The following CDC14A variants were observed in gnomAD, a reference collection of about 807,000 sequenced individuals.
CDC14A encodes cell division cycle 14A, also known as dual specificity protein phosphatase CDC14A.
In CDC14A, 53 loss-of-function variants were observed where a neutral mutation model predicts 74.4. The observed-to-expected ratio is 0.71, with a 90% CI of 0.57 to 0.89. CDC14A has a LOEUF of 0.89. Ranked by LOEUF, CDC14A falls within the 40% of genes least tolerant of loss-of-function variation. The probability of loss-of-function intolerance (pLI) is 0.00; values close to 1 mark genes in which losing one functional copy is unlikely to be tolerated. For missense variants in CDC14A, 646 were observed against 713.7 expected, an observed-to-expected ratio of 0.91 and a Z score of 1.08; for synonymous variants, 247 against 258.4, an observed-to-expected ratio of 0.96 and a Z score of 0.43.
intron 13 of CDC14A, among the ~76,000 whole-genome samples, chr1:100,497,617 G>C (rs756962633): frequency 6.6e-6 from 1 of 152,198 alleles, no homozygotes; most frequent in Non-Finnish European, 1.5e-5. Flanking sequence ...AGTTTGCAGG[G>C]TGAAAAGAAG....
At chr1:100,497,318 G>A (rs1412178061) in intron 13 of CDC14A, among the ~76,000 whole-genome samples, 1 of 152,190 alleles carries the variant, frequency 6.6e-6, no homozygotes, top group Non-Finnish European at 1.5e-5. Flanking sequence ...CTGGACAAAC[G>A]TGTGGACGCT....
rs768857891 is a variant in CDC14A, at chr1:100,352,972, G to A, written c.18G>A (p.Gly6=). Residue 6 remains glycine (G), a synonymous_variant, in exon 1 of 16, where the codon GGG becomes GGA. Transcript: ENST00000336454. ...CGCTTAAGATGGCAGCGGAGTCAGG[G>A]GAACTAATCGGGGCTTGTGAGTTCA... MAAES[G]ELIGACEFMK... The A allele has an allele frequency of 1.2e-6, 2 of 1,613,994 alleles. No individual in the cohort carries two copies. The highest frequency in any genetic ancestry group is 1.3e-5 in the African/African-American group (1 of 74,940).
intron 7 of CDC14A, among the ~76,000 whole-genome samples, chr1:100,444,640 C>T (rs183549391): frequency 3.3e-4 from 50 of 152,228 alleles, no homozygotes; most frequent in South Asian, 2.7e-3. Context: ...TTTAACCTCC[C>T]GCTCCTCCAT....
intron 15 of CDC14A, among the ~76,000 whole-genome samples, chr1:100,513,057 A>T (rs1387029526): frequency 6.6e-6 from 1 of 152,196 alleles, no homozygotes; most frequent in East Asian, 1.9e-4. Flanking sequence ...CTATTGAAAT[A>T]AAAAATAAAA....
intron 10 of CDC14A, among the ~76,000 whole-genome samples, chr1:100,481,955 A>G (rs945867274): frequency 6.6e-6 from 1 of 152,240 alleles, no homozygotes; most frequent in African/African-American, 2.4e-5. Context: ...TTCAATAAAA[A>G]GGAATTTGCG....
At chr1:100,438,237 C>T (rs1664560179) in intron 5 of CDC14A, among the ~76,000 whole-genome samples, 1 of 151,902 alleles carries the variant, frequency 6.6e-6, no homozygotes, top group Non-Finnish European at 1.5e-5. Flanking sequence ...TGGGGTATTG[C>T]AAATTTGTAT....
chr1:100,502,780 TG>T (rs1204185189), intron 15 of CDC14A, among the ~76,000 whole-genome samples: 1 of 152,218 alleles, frequency 6.6e-6, no homozygotes, highest in African/African-American at 2.4e-5. Context: ...TAACTTGATT[TG>T]GGTCTCGTTC....
In CDC14A at chr1:100,403,030, G is replaced by A. The variant is rs564154504; in HGVS notation, c.309+12206G>A. 2.4e-4 allele frequency among the ~76,000 whole-genome samples: 37 copies of A among 152,276 alleles called. 2 individuals are homozygous for A. In the South Asian group the frequency reaches 7.5e-3, roughly 31 times the overall value. On this transcript the variant is annotated intron_variant, in intron 4 of 15. Transcript: ENST00000336454. The stretch of plus-strand genomic sequence containing the variant: ...TTGTTCTCATGTTTACTTTGGTGAT[G>A]TCCATGGATGTGTTGGGGTAGGTCT...
In CDC14A at chr1:100,421,939, A is replaced by G. The variant is rs895279522; in HGVS notation, c.310-2283A>G. ...TTGTCCTGGAAAAATCGAATTTGGTATTTTAATGACCCAGCATGCATTCAT... is the reference window on the plus strand; with the variant it reads ...TTGTCCTGGAAAAATCGAATTTGGTGTTTTAATGACCCAGCATGCATTCAT... On this transcript the variant is annotated intron_variant, in intron 4 of 15. Transcript: ENST00000336454. Among the ~76,000 whole-genome samples, 5 of 152,186 alleles carry G rather than the reference A, an allele frequency of 3.3e-5. 1 individual carries two copies. The highest frequency in any genetic ancestry group is 6.5e-5 in the Admixed American group (1 of 15,284).
chr1:100,346,720 G>T (rs554871152), intron 1 of CDC14A, among the ~76,000 whole-genome samples: 2 of 151,548 alleles, frequency 1.3e-5, no homozygotes, highest in Non-Finnish European at 2.9e-5. Context: ...TTGTTAACTT[G>T]TTTGTTAAGT....
intron 7 of CDC14A, among the ~76,000 whole-genome samples, chr1:100,445,435 C>G (rs1665427303): frequency 6.6e-6 from 1 of 152,048 alleles, no homozygotes. Flanking sequence ...GGATCTCTGC[C>G]CCATGTATAT....
chr1:100,377,492 C>CATCTTTA, intron 2 of CDC14A, 54 bp from the exon 3 acceptor site: 1 of 1,187,858 alleles, frequency 8.4e-7, no homozygotes, highest in Non-Finnish European at 1.2e-6. Context: ...ATTGATGTTA[C>CATCTTTA]TGAAAATTAT....
At chr1:100,350,318 C>T (rs551306556), upstream of CDC14A, among the ~76,000 whole-genome samples, 6 of 152,310 alleles carry the variant, frequency 3.9e-5, no homozygotes, top group South Asian at 1.2e-3. Context: ...GTCTTGAACT[C>T]CTGACCTCAG....
chr1:100,484,627 TAA>T (rs373460421), intron 11 of CDC14A, 176 bp downstream of exon 11: 410 of 959,314 alleles, frequency 4.3e-4, no homozygotes, highest in African/African-American at 9.6e-4. Flanking sequence ...CAATTGCCCT[TAA>T]AAAAAAAAAA....
At chr1:100,481,377 A>G (rs1245642833) in intron 10 of CDC14A, among the ~76,000 whole-genome samples, 1 of 152,120 alleles carries the variant, frequency 6.6e-6, no homozygotes, top group Non-Finnish European at 1.5e-5. Context: ...GGGCTTAGGG[A>G]AGTGAAGGAG....
chr1:100,377,521 GT>G (rs777893879), intron 2 of CDC14A, 24 bp from the exon 3 acceptor site: 2 of 1,546,564 alleles, frequency 1.3e-6, no homozygotes, highest in Non-Finnish European at 1.8e-6. Flanking sequence ...TAAATACTAC[GT>G]TTTTTGTTTT....
intron 4 of CDC14A, among the ~76,000 whole-genome samples, chr1:100,398,049 T>G (rs896210059): frequency 5.3e-5 from 8 of 152,244 alleles, no homozygotes; most frequent in African/African-American, 1.9e-4. Flanking sequence ...ATCCAATTGT[T>G]AGTTGTATGC....
intron 3 of CDC14A, chr1:100,383,407 T>A (rs148870754): frequency 6.5e-6 from 1 of 152,778 alleles, no homozygotes; most frequent in African/African-American, 2.4e-5. Context: ...AAGAAATGAT[T>A]CGATCTATTT....
At chr1:100,407,920 A>T (rs1314262131) in intron 4 of CDC14A, among the ~76,000 whole-genome samples, 1 of 152,106 alleles carries the variant, frequency 6.6e-6, no homozygotes, top group Non-Finnish European at 1.5e-5. Flanking sequence ...TATTTAAAAA[A>T]ATCTTTTATT....
Sources: gnomAD v4.1 joint callset for allele counts (sites outside exome capture counted in the v4.1 genomes callset) on GRCh38, gnomAD v4.1.1 for gene constraint, MANE v1.5 for transcripts, NCBI Gene and HGNC (gene_info 2026-07-23, HGNC 2026-07-21) for gene names.